The following ECT2 variants were observed in gnomAD, a reference collection of about 807,000 sequenced individuals.
ECT2 encodes the protein epithelial cell transforming 2.
Under a neutral mutation model 116.9 loss-of-function variants are expected in ECT2, and 61 were observed. The ratio of observed to expected loss-of-function variants is 0.52; its 90% CI spans 0.42 to 0.65. The LOEUF (loss-of-function observed/expected upper bound fraction) is 0.65. Among genes scored for constraint, ECT2 ranks in the 30% least tolerant of loss-of-function variants. The probability of loss-of-function intolerance (pLI) is 0.00; values close to 1 mark genes in which losing one functional copy is unlikely to be tolerated. For missense variants in ECT2, 937 were observed against 1,078.7 expected, an observed-to-expected ratio of 0.87 and a Z score of 1.84; for synonymous variants, 358 against 346.4, an observed-to-expected ratio of 1.03 and a Z score of -0.37.
intron 21 of ECT2, 73 bp downstream of exon 21, chr3:172,805,942 T>C (rs1727609845): frequency 6.6e-7 from 1 of 1,510,654 alleles, no homozygotes; most frequent in African/African-American, 1.4e-5. Context: ...TTACTCCATT[T>C]TGGCTTTTTT....
chr3:172,757,195 A>T, intron 5 of ECT2, 30 bp downstream of exon 5: 1 of 1,389,368 alleles, frequency 7.2e-7, no homozygotes, highest in African/African-American at 1.5e-5. Context: ...ATGACTTTTC[A>T]AGTTAAAATT....
intron 22 of ECT2, among the ~76,000 whole-genome samples, chr3:172,809,580 C>A (rs1728387570): frequency 6.7e-6 from 1 of 149,996 alleles, no homozygotes; most frequent in African/African-American, 2.5e-5. Flanking sequence ...CACACACACA[C>A]ACACACACAC....
intron 18 of ECT2, among the ~76,000 whole-genome samples, chr3:172,802,339 C>T (rs1406073134): frequency 6.6e-6 from 1 of 152,124 alleles, no homozygotes; most frequent in Non-Finnish European, 1.5e-5. Context: ...GTCTCGAACT[C>T]CTGACTTCAG....
At chr3:172,804,931 G>C (rs1292553582) in intron 20 of ECT2, among the ~76,000 whole-genome samples, 1 of 151,702 alleles carries the variant, frequency 6.6e-6, no homozygotes, top group Non-Finnish European at 1.5e-5. Flanking sequence ...CCCTGTCTTA[G>C]AATCACTTCA....
At position 172,773,911 on chromosome 3, in the gene ECT2, A is replaced by G. The variant is rs1303323028; in HGVS notation, c.1437A>G (p.Gln479=). 22 of 1,613,176 alleles carry G rather than the reference A, an allele frequency of 1.4e-5. No homozygotes were observed. Among genetic ancestry groups the G allele is most frequent in the Non-Finnish European group, 1.7e-5 (20 of 1,179,418 alleles). Residue 479 remains glutamine, a synonymous_variant, in exon 14 of 25, where the codon CAA becomes CAG. Transcript: ENST00000392692. ...TCTTTTTTCTCATTTAGTTATTTCAAGTACCATTGGAAGAGGAAGGACAAC... is the reference window on the plus strand; with the variant it reads ...TCTTTTTTCTCATTTAGTTATTTCAGGTACCATTGGAAGAGGAAGGACAAC... ...NILATIIQLF[Q]VPLEEEGQRG... is the part of the protein sequence containing the mutation.
intron 15 of ECT2, among the ~76,000 whole-genome samples, chr3:172,783,568 T>C (rs984268135): frequency 1.3e-5 from 2 of 152,172 alleles, no homozygotes; most frequent in Non-Finnish European, 2.9e-5. Context: ...TTGTTTTTTT[T>C]CTGAGTCTTC....
At chr3:172,826,587 A>C in the ECT2 span, among the ~76,000 whole-genome samples, 1 of 152,226 alleles carries the variant, frequency 6.6e-6, no homozygotes, top group Admixed American at 6.5e-5. Flanking sequence ...CCCAACTTTG[A>C]AAGAAGTTCT....
At chr3:172,798,509 A>G (rs1171240581) in intron 18 of ECT2, among the ~76,000 whole-genome samples, 1 of 152,194 alleles carries the variant, frequency 6.6e-6, no homozygotes, top group Non-Finnish European at 1.5e-5. Context: ...TCACGAAACT[A>G]CTAATCGAGA....
chr3:172,782,874 A>ATT (rs142529878), intron 15 of ECT2, among the ~76,000 whole-genome samples: 4 of 123,990 alleles, frequency 3.2e-5, no homozygotes, highest in Non-Finnish European at 5.2e-5. Flanking sequence ...ATGATCTCGC[A>ATT]TTTTTTTTTT....
intron 5 of ECT2, among the ~76,000 whole-genome samples, chr3:172,757,415 CT>C (rs34169147): frequency 1.1e-3 from 128 of 120,418 alleles, no homozygotes; most frequent in Middle Eastern, 4.2e-3. Flanking sequence ...ATACATAGTC[CT>C]TTTTTTTTTT....
chr3:172,767,020 A>T (rs1377387539), intron 12 of ECT2, among the ~76,000 whole-genome samples: 1 of 152,258 alleles, frequency 6.6e-6, no homozygotes, highest in Non-Finnish European at 1.5e-5. Context: ...TAATTAAATT[A>T]GATCAGTGCA....
At chr3:172,795,061 A>G (rs1213814192) in intron 18 of ECT2, among the ~76,000 whole-genome samples, 1 of 152,076 alleles carries the variant, frequency 6.6e-6, no homozygotes, top group Non-Finnish European at 1.5e-5. Flanking sequence ...CCATTTATTT[A>G]CTTTTAATTT....
chr3:172,771,664 A>G (rs1720660461), intron 13 of ECT2, among the ~76,000 whole-genome samples: 1 of 152,198 alleles, frequency 6.6e-6, no homozygotes, highest in South Asian at 2.1e-4. Flanking sequence ...TCTGACTTGC[A>G]TTTCAGAAAG....
intron 15 of ECT2, among the ~76,000 whole-genome samples, chr3:172,783,348 C>T (rs752747200): frequency 3.9e-5 from 6 of 151,954 alleles, no homozygotes; most frequent in Non-Finnish European, 8.8e-5. Context: ...TTTTTGATAA[C>T]CTTTTAATTT....
chr3:172,764,932 C>T (rs1719041544), intron 12 of ECT2, among the ~76,000 whole-genome samples: 1 of 152,096 alleles, frequency 6.6e-6, no homozygotes, highest in Non-Finnish European at 1.5e-5. Context: ...CAGAAAGGCT[C>T]CTATAATTCT....
intron 12 of ECT2, among the ~76,000 whole-genome samples, chr3:172,765,755 C>T (rs1210968448): frequency 6.6e-6 from 1 of 152,140 alleles, no homozygotes; most frequent in East Asian, 1.9e-4. Context: ...TTTTAAGTCC[C>T]TATGTAATCT....
chr3:172,812,823 TTGAA>T (rs770120890), intron 22 of ECT2, among the ~76,000 whole-genome samples: 5 of 152,216 alleles, frequency 3.3e-5, no homozygotes, highest in African/African-American at 7.2e-5. Context: ...TATCTGTTGA[TTGAA>T]TGAGATAAAA....
intron 18 of ECT2, among the ~76,000 whole-genome samples, chr3:172,791,948 C>T (rs1724750746): frequency 6.6e-6 from 1 of 152,122 alleles, no homozygotes; most frequent in South Asian, 2.1e-4. Flanking sequence ...TGTGTGACTC[C>T]TCCTTTCACT....
intron 21 of ECT2, 25 bp from the exon 22 acceptor site, chr3:172,807,745 G>GT (rs1728042635): frequency 1.2e-6 from 2 of 1,600,322 alleles, no homozygotes; most frequent in South Asian, 2.2e-5. Flanking sequence ...GACACTTAAT[G>GT]TTTATGGTTA....
Sources: gnomAD v4.1 joint callset for allele counts (sites outside exome capture counted in the v4.1 genomes callset) on GRCh38, gnomAD v4.1.1 for gene constraint, MANE v1.5 for transcripts, NCBI Gene and HGNC (gene_info 2026-07-23, HGNC 2026-07-21) for gene names.